The following GRM7 variants were observed in gnomAD, a reference collection of about 807,000 sequenced individuals.
GRM7 encodes the protein glutamate metabotropic receptor 7.
GRM7 carries 35 observed loss-of-function variants against 84.5 expected under a neutral mutation model. The ratio of observed to expected loss-of-function variants is 0.41; its 90% CI spans 0.32 to 0.55. GRM7 has a LOEUF of 0.55. Ranked by LOEUF, GRM7 falls within the 20% of genes least tolerant of loss-of-function variation. GRM7 has a pLI of 0.19. For missense variants in GRM7, 1,003 were observed against 1,194.6 expected (o/e 0.84, Z 2.36); for synonymous variants, 487 against 455.1 (o/e 1.07, Z -0.89).
intron 4 of GRM7, among the ~76,000 whole-genome samples, chr3:7,306,876 C>T (rs1700213004): frequency 6.6e-6 from 1 of 152,102 alleles, no homozygotes; most frequent in Non-Finnish European, 1.5e-5. Flanking sequence ...TCACGATTAG[C>T]AAAAACATTC....
chr3:7,282,326 T>A (rs1392104039), intron 2 of GRM7, among the ~76,000 whole-genome samples: 1 of 152,206 alleles, frequency 6.6e-6, no homozygotes, highest in Non-Finnish European at 1.5e-5. Context: ...GTTACATTCC[T>A]CCTCGAAACT....
At chr3:6,943,650 A>C (rs1697964922) in intron 1 of GRM7, among the ~76,000 whole-genome samples, 1 of 151,958 alleles carries the variant, frequency 6.6e-6, no homozygotes, top group African/African-American at 2.4e-5. Flanking sequence ...TTGTTCTTTA[A>C]GGTTATGTTG....
At chr3:7,022,486 G>A (rs970249860) in intron 1 of GRM7, among the ~76,000 whole-genome samples, 1 of 151,532 alleles carries the variant, frequency 6.6e-6, no homozygotes, top group Non-Finnish European at 1.5e-5. Flanking sequence ...ATCTCATAGG[G>A]TGCAGAGGCC....
intron 7 of GRM7, among the ~76,000 whole-genome samples, chr3:7,566,775 C>G (rs886882661): frequency 6.6e-6 from 1 of 151,970 alleles, no homozygotes; most frequent in South Asian, 2.1e-4. Context: ...GAAGATTTCC[C>G]GTAAGGCTGT....
intron 1 of GRM7, among the ~76,000 whole-genome samples, chr3:7,057,106 A>T (rs1697253317): frequency 6.6e-6 from 1 of 151,974 alleles, no homozygotes; most frequent in South Asian, 2.1e-4. Flanking sequence ...TTGGTATGAA[A>T]AGCTAGGCTA....
At chr3:7,532,253 G>T (rs1181442522) in intron 7 of GRM7, among the ~76,000 whole-genome samples, 1 of 151,968 alleles carries the variant, frequency 6.6e-6, no homozygotes, top group African/African-American at 2.4e-5. Flanking sequence ...CGTTTGGTCG[G>T]GCTTTTTTTG....
intron 2 of GRM7, among the ~76,000 whole-genome samples, chr3:7,201,506 A>C (rs1451436545): frequency 1.3e-5 from 2 of 152,162 alleles, no homozygotes; most frequent in Non-Finnish European, 2.9e-5. Flanking sequence ...TACATCCTCT[A>C]TAGAGGCCAC....
At chr3:7,534,507 A>C (rs1302188132) in intron 7 of GRM7, among the ~76,000 whole-genome samples, 1 of 152,174 alleles carries the variant, frequency 6.6e-6, no homozygotes, top group Non-Finnish European at 1.5e-5. Flanking sequence ...GTTTTTAACC[A>C]CTATGCTTTA....
intron 7 of GRM7, among the ~76,000 whole-genome samples, chr3:7,569,321 T>C (rs957056246): frequency 7.2e-4 from 109 of 152,244 alleles, no homozygotes; most frequent in Non-Finnish European, 5.7e-4. Flanking sequence ...AATGCACCAA[T>C]GGACACTCTG....
chr3:7,554,618 A>C (rs1693672049), intron 7 of GRM7, among the ~76,000 whole-genome samples: 1 of 152,180 alleles, frequency 6.6e-6, no homozygotes, highest in Non-Finnish European at 1.5e-5. Flanking sequence ...ACTCATACTC[A>C]TGTCACAGTC....
chr3:7,139,319 T>C (rs1693871107), intron 1 of GRM7, among the ~76,000 whole-genome samples: 1 of 151,736 alleles, frequency 6.6e-6, no homozygotes, highest in African/African-American at 2.4e-5. Flanking sequence ...TCACAACATC[T>C]AGCATAACAC....
chr3:7,482,771 T>C (rs1277379825), intron 7 of GRM7, among the ~76,000 whole-genome samples: 1 of 152,160 alleles, frequency 6.6e-6, no homozygotes, highest in Non-Finnish European at 1.5e-5. Flanking sequence ...CTGCCTTTAC[T>C]AGGGTGAGGT....
In GRM7 at chr3:7,480,748, C is replaced by T. The variant is rs754715246; in HGVS notation, c.1515+19026C>T. On this transcript the variant is annotated intron_variant, in intron 7 of 9. Transcript: ENST00000357716. ...GCTATGGGTTTCAAACTTTGCTGTA[C>T]ATTCAGATCATTGGGATACGTGTTG... is the stretch of plus-strand genomic sequence containing the variant. Among the ~76,000 whole-genome samples the T allele has an allele frequency of 1.4e-4, 22 of 152,120 alleles. 1 individual carries two copies. The highest frequency in any genetic ancestry group is 7.9e-4 in the Admixed American group (12 of 15,266).
At chr3:7,399,480 C>G (rs989772563) in intron 4 of GRM7, among the ~76,000 whole-genome samples, 2 of 152,046 alleles carry the variant, frequency 1.3e-5, no homozygotes, top group Non-Finnish European at 2.9e-5. Flanking sequence ...GCAAATGACC[C>G]CTGCTGTTTC....
intron 1 of GRM7, among the ~76,000 whole-genome samples, chr3:7,018,184 A>G (rs1695645718): frequency 2.0e-5 from 3 of 152,238 alleles, no homozygotes; most frequent in South Asian, 4.1e-4. Flanking sequence ...TATAACAAAT[A>G]TTAAGAAGTA....
intron 7 of GRM7, among the ~76,000 whole-genome samples, chr3:7,538,391 C>T (rs543003840): frequency 2.6e-5 from 4 of 152,290 alleles, no homozygotes; most frequent in East Asian, 3.9e-4. Flanking sequence ...GGATTACGGG[C>T]ATGAGCCACA....
At chr3:7,412,191 C>G (rs138622219) in intron 4 of GRM7, among the ~76,000 whole-genome samples, 1 of 152,080 alleles carries the variant, frequency 6.6e-6, no homozygotes, top group Non-Finnish European at 1.5e-5. Context: ...GGAAGCAGAC[C>G]CTCTGTTTAT....
chr3:7,033,389 A>G (rs537849915), intron 1 of GRM7, among the ~76,000 whole-genome samples: 14 of 152,290 alleles, frequency 9.2e-5, no homozygotes, highest in Admixed American at 2.0e-4. Flanking sequence ...TGACTTATTA[A>G]AATATAATAT....
chr3:7,641,607 A>C (rs1378472860), intron 8 of GRM7, among the ~76,000 whole-genome samples: 1 of 152,192 alleles, frequency 6.6e-6, no homozygotes, highest in Admixed American at 6.5e-5. Context: ...GAGAATGGGG[A>C]GAATCCAAGC....
Sources: allele counts gnomAD v4.1 joint callset (sites outside exome capture counted in the v4.1 genomes callset), GRCh38; gene constraint gnomAD v4.1.1; transcripts MANE v1.5; gene names NCBI Gene and HGNC (gene_info 2026-07-23, HGNC 2026-07-21).